The following CERS3 variants were observed in gnomAD, a reference collection of about 807,000 sequenced individuals.
The protein encoded by CERS3 is ceramide synthase 3.
CERS3 carries 33 observed loss-of-function variants against 50.3 expected under a neutral mutation model. The ratio of observed to expected loss-of-function variants is 0.66; its 90% CI spans 0.50 to 0.88. The LOEUF (loss-of-function observed/expected upper bound fraction) is 0.88. Ranked by LOEUF, CERS3 falls within the 40% of genes least tolerant of loss-of-function variation. CERS3 has a pLI of 0.00. For synonymous variants in CERS3, 176 were observed against 155.2 expected (o/e 1.13, Z -0.99); for missense variants, 470 against 460.3 (o/e 1.02, Z -0.19).
intron 10 of CERS3, among the ~76,000 whole-genome samples, chr15:100,463,806 C>T (rs561824880): frequency 5.1e-4 from 77 of 152,268 alleles, no homozygotes; most frequent in African/African-American, 1.7e-3. Flanking sequence ...TTGCTGGTTG[C>T]GCAAACGGCA....
rs1567652771 is a variant in CERS3, at chr15:100,483,792, T to TTG, written c.407+757_407+758insCA. 1.6e-5 allele frequency among the ~76,000 whole-genome samples: 2 copies of TTG among 125,482 alleles called. 1 individual carries two copies. Among genetic ancestry groups the TTG allele is most frequent in the East Asian group, 5.9e-4 (2 of 3,412 alleles). The allele number at this position is 125,482 out of a possible 152,430, so 82.3% of individuals were successfully genotyped here. A position where few individuals can be genotyped will look rare whatever the true frequency, so the allele number is the denominator to read the frequency against. The stretch of plus-strand genomic sequence containing the variant: ...TAATAATAATTATTATTATTATTTT[T>TTG]TTTTTTGAGACAGAGTCTTGCTCTG... On this transcript the variant is annotated intron_variant, in intron 5 of 11. Coordinates refer to ENST00000679737, the MANE Select transcript of CERS3 (RefSeq NM_001378789.1).
intron 1 of CERS3, among the ~76,000 whole-genome samples, chr15:100,527,041 C>G (rs774305595): frequency 6.6e-5 from 10 of 152,148 alleles, no homozygotes; most frequent in South Asian, 4.2e-4. Flanking sequence ...TGCCTGGAAT[C>G]CTAGTACATT....
At chr15:100,435,482 T>C (rs549316947) in intron 11 of CERS3, among the ~76,000 whole-genome samples, 3 of 152,342 alleles carry the variant, frequency 2.0e-5, no homozygotes, top group Middle Eastern at 3.4e-3. Flanking sequence ...TCAAGATGCA[T>C]TGAAGTCTTA....
intron 2 of CERS3, among the ~76,000 whole-genome samples, chr15:100,512,402 C>T (rs559676976): frequency 1.6e-4 from 25 of 152,138 alleles, no homozygotes; most frequent in Non-Finnish European, 3.5e-4. Context: ...CAGCACCTCC[C>T]TTGGGGGTGT....
chr15:100,456,876 G>A (rs899331333), intron 10 of CERS3, among the ~76,000 whole-genome samples: 6 of 151,852 alleles, frequency 4.0e-5, no homozygotes, highest in Admixed American at 2.6e-4. Flanking sequence ...GAACCTGGGA[G>A]GTGGAGGTTG....
chr15:100,506,745 T>C (rs959166130), intron 2 of CERS3, among the ~76,000 whole-genome samples: 1 of 152,126 alleles, frequency 6.6e-6, no homozygotes, highest in Non-Finnish European at 1.5e-5. Flanking sequence ...ATTAGGTTAG[T>C]AGCTCCTCAG....
At chr15:100,448,609 T>C (rs2587803) in intron 11 of CERS3, among the ~76,000 whole-genome samples, 61,810 of 152,136 alleles carry the variant, frequency 0.41, 12,791 homozygotes, top group East Asian at 0.55. Context: ...CAGTGCCATT[T>C]TGAGAGCCTA....
chr15:100,403,308 GA>G (rs1376823895), intron 11 of CERS3, among the ~76,000 whole-genome samples: 6 of 151,686 alleles, frequency 4.0e-5, no homozygotes, highest in African/African-American at 7.3e-5. Context: ...TATTCAATAA[GA>G]AAAAAAGTTT....
intron 11 of CERS3, among the ~76,000 whole-genome samples, chr15:100,407,953 C>T (rs1596601009): frequency 6.6e-6 from 1 of 152,092 alleles, no homozygotes; most frequent in Non-Finnish European, 1.5e-5. Context: ...CTCCCTGCAA[C>T]CTCTGCCTCC....
At chr15:100,525,714 C>T (rs1238272980) in intron 1 of CERS3, among the ~76,000 whole-genome samples, 1 of 152,184 alleles carries the variant, frequency 6.6e-6, no homozygotes, top group African/African-American at 2.4e-5. Context: ...TTTAATTAGA[C>T]TTTTAGCTTC....
chr15:100,445,202 A>G (rs12905560), intron 11 of CERS3, among the ~76,000 whole-genome samples: 104,916 of 140,848 alleles, frequency 0.74, 40,852 homozygotes, highest in Non-Finnish European at 0.85. Flanking sequence ...TCCAGACACC[A>G]GACCAACTTG....
chr15:100,476,176 G>A lies in CERS3; in HGVS notation c.519C>T (p.Pro173=), dbSNP rs759891442. 3 of 1,558,346 alleles carry A rather than the reference G, an allele frequency of 1.9e-6. No homozygotes were observed. In the East Asian group the frequency reaches 7.4e-5, roughly 38 times the overall value. Reference sequence around the variant, plus strand: ...AGTACCAGTACTGGGATGGCAGCAGGGGCTGAGGAAAAGAAGAGTATTCAT... The same window carrying A: ...AGTACCAGTACTGGGATGGCAGCAGAGGCTGAGGAAAAGAAGAGTATTCAT... ...WEVWNGYPKQ[P]LLPSQYWYYI... Residue 173 remains proline (P), a splice_region_variant and synonymous_variant, in exon 8 of 12, where the codon CCC becomes CCT. Coordinates refer to ENST00000679737, the MANE Select transcript of CERS3 (RefSeq NM_001378789.1).
intron 11 of CERS3, among the ~76,000 whole-genome samples, chr15:100,406,204 T>C (rs949821561): frequency 2.6e-5 from 4 of 152,220 alleles, no homozygotes; most frequent in Non-Finnish European, 5.9e-5. Flanking sequence ...TGTCCAGTGA[T>C]AGACATGACC....
At chr15:100,450,416 CAAAAAA>C (rs34873483) in intron 11 of CERS3, among the ~76,000 whole-genome samples, 1 of 63,428 alleles carries the variant, frequency 1.6e-5, no homozygotes, top group Non-Finnish European at 2.8e-5. Context: ...GACTCTGTCT[CAAAAAA>C]AAAAAAAAAA....
chr15:100,501,977 T>A, intron 2 of CERS3, 127 bp from the exon 3 acceptor site: 1 of 906,192 alleles, frequency 1.1e-6, no homozygotes, highest in Non-Finnish European at 1.7e-6. Context: ...CCTAGCGCAG[T>A]GGCTCACACC....
At position 100,400,862 on chromosome 15, in the gene CERS3, G is replaced by A. The variant is rs754724155; in HGVS notation, c.*1851C>T. The A allele has an allele frequency of 2.0e-5, 3 of 151,996 alleles. No homozygotes were observed. The highest frequency in any genetic ancestry group is 4.4e-5 in the Non-Finnish European group (3 of 68,000). 9.4% of individuals were successfully genotyped at this position (151,996 alleles called of 1,614,324 possible). ...AGTCAATAGCTATACCCTAAAGTGG[G>A]TGCAGGCATTTTGATTTATAATATC... On this transcript the variant is annotated 3_prime_UTR_variant, in exon 12 of 12. Coordinates refer to ENST00000679737, the MANE Select transcript of CERS3 (RefSeq NM_001378789.1).
chr15:100,484,989 G>C (rs1010877966), intron 4 of CERS3, among the ~76,000 whole-genome samples: 2 of 152,188 alleles, frequency 1.3e-5, no homozygotes, highest in African/African-American at 4.8e-5. Context: ...CTTCCCAGGC[G>C]CCAGGTAGAG....
chr15:100,488,470 T>G (rs1251497948), intron 4 of CERS3, among the ~76,000 whole-genome samples: 1 of 152,218 alleles, frequency 6.6e-6, no homozygotes, highest in African/African-American at 2.4e-5. Context: ...ACCTCAGCCA[T>G]AATTAAGCAA....
intron 11 of CERS3, chr15:100,437,915 A>T (rs2033496047): frequency 6.6e-6 from 1 of 152,190 alleles, no homozygotes; most frequent in South Asian, 2.1e-4. Context: ...ATGTGAGATT[A>T]AAAAAAGAAG....
Sources: gnomAD v4.1 joint callset for allele counts (sites outside exome capture counted in the v4.1 genomes callset) on GRCh38, gnomAD v4.1.1 for gene constraint, MANE v1.5 for transcripts, NCBI Gene and HGNC (gene_info 2026-07-23, HGNC 2026-07-21) for gene names.